The following HSF1 variants were observed in gnomAD, a reference collection of about 807,000 sequenced individuals.
HSF1 encodes heat shock transcription factor 1.
A neutral mutation model predicts 51.7 loss-of-function variants in HSF1; 32 were observed. That is an observed-to-expected ratio of 0.62 (90% CI 0.47 to 0.83). The LOEUF (loss-of-function observed/expected upper bound fraction) is 0.83, where lower values mean the gene tolerates loss of function less well. HSF1 is among the 40% of genes least tolerant of loss of function. HSF1 has a pLI of 0.00. For missense variants in HSF1, 727 were observed against 717.0 expected (o/e 1.01, Z -0.16); for synonymous variants, 396 against 309.7 (o/e 1.28, Z -2.92).
intron 1 of HSF1, among the ~76,000 whole-genome samples, chr8:144,305,690 C>G (rs1816166433): frequency 6.7e-6 from 1 of 150,204 alleles, no homozygotes; most frequent in Non-Finnish European, 1.5e-5. Context: ...CCTTCTTCTC[C>G]TAGTCAGGTC....
chr8:144,298,628 C>A (rs1554841745), intron 1 of HSF1, among the ~76,000 whole-genome samples: 3 of 151,406 alleles, frequency 2.0e-5, no homozygotes, highest in Admixed American at 6.6e-5. Flanking sequence ...AAAGAAAAAA[C>A]CGGCGAGGAC....
At chr8:144,312,563 C>A in intron 9 of HSF1, 1 of 1,329,790 alleles carries the variant, frequency 7.5e-7, no homozygotes, top group Non-Finnish European at 1.0e-6. Context: ...AGATGGTGAG[C>A]AGGGCCGGCC....
At chr8:144,312,600 TG>T in intron 9 of HSF1, 1 of 1,521,904 alleles carries the variant, frequency 6.6e-7, no homozygotes, top group Non-Finnish European at 8.8e-7. Flanking sequence ...CTGCCTGCAA[TG>T]GGGGCTCTTG....
chr8:144,305,327 G>A (rs923493746), intron 1 of HSF1, among the ~76,000 whole-genome samples: 1 of 150,604 alleles, frequency 6.6e-6, no homozygotes, highest in African/African-American at 2.4e-5. Context: ...TTGAGACAGA[G>A]TCTCTTTCTG....
intron 9 of HSF1, chr8:144,312,667 C>T (rs1239820712): frequency 6.5e-6 from 10 of 1,535,420 alleles, no homozygotes; most frequent in Non-Finnish European, 8.7e-6. Context: ...TCGCCCGCCT[C>T]TTCCCCTGCC....
rs1051549605 is a variant in HSF1 at position 144,297,718 on chromosome 8, C to T, written c.117+5844C>T. Among the ~76,000 whole-genome samples, 7 of 152,228 alleles carry T rather than the reference C, an allele frequency of 4.6e-5. No homozygotes were observed. Among genetic ancestry groups the T allele is most frequent in the African/African-American group, 1.2e-4 (5 of 41,456 alleles). ...TCCCGGGACCCGGAGAGGGAACAGC[C>T]GGCCAGCCGAGCCCAGGAGCCCAGA... is the stretch of plus-strand genomic sequence containing the variant. On this transcript the variant is annotated intron_variant, in intron 1 of 12. Transcript: ENST00000528838. The surrounding 1 kb of genome is among the most constrained non-coding windows in gnomAD (Gnocchi z 4.6).
intron 4 of HSF1, 59 bp downstream of exon 4, chr8:144,309,955 C>A (rs990759334): frequency 1.9e-6 from 3 of 1,574,728 alleles, no homozygotes; most frequent in Admixed American, 1.8e-5. Context: ...CAAGAGGCCC[C>A]GGGTGCTGTG....
intron 1 of HSF1, among the ~76,000 whole-genome samples, chr8:144,305,353 G>A (rs567368623): frequency 2.8e-4 from 43 of 151,984 alleles, no homozygotes; most frequent in Middle Eastern, 3.4e-3. Context: ...AGACTGGAGT[G>A]CAGTGGTGCA....
At chr8:144,312,626 A>G (rs1816759196) in intron 9 of HSF1, 3 of 1,535,150 alleles carry the variant, frequency 2.0e-6, no homozygotes, top group Non-Finnish European at 2.6e-6. Flanking sequence ...TGTATCTTGC[A>G]GTTTGGCTCG....
chr8:144,299,435 TAAAAAA>T (rs11309028), intron 1 of HSF1, among the ~76,000 whole-genome samples: 3 of 132,276 alleles, frequency 2.3e-5, no homozygotes, highest in Non-Finnish European at 4.8e-5. Context: ...AGACTCCTTC[TAAAAAA>T]AAAAAAAAAA....
At chr8:144,305,911 T>C (rs1816194082) in intron 1 of HSF1, among the ~76,000 whole-genome samples, 1 of 151,804 alleles carries the variant, frequency 6.6e-6, no homozygotes, top group Non-Finnish European at 1.5e-5. Flanking sequence ...TTTGTATTTT[T>C]AGTAGAGACG....
rs782148068 is a variant in HSF1, at chr8:144,313,833, CCCT to C, written c.1249-7_1249-5del. 6.3e-7 allele frequency: 1 copy of C among 1,593,882 alleles called. No individual in the cohort carries two copies. The highest frequency in any genetic ancestry group is 2.3e-5 in the East Asian group (1 of 44,384). On this transcript the variant is annotated splice_polypyrimidine_tract_variant and intron_variant, in intron 10 of 12. Transcript: ENST00000528838. ...CCCCGGGTGCTGTTCTGACTTCCCTCCCTCCTCCGCAGCTGTTCAGCCCCTCGG... is the reference window on the plus strand; with the variant it reads ...CCCCGGGTGCTGTTCTGACTTCCCTCCCTCCGCAGCTGTTCAGCCCCTCGG...
chr8:144,313,194 C>A, intron 9 of HSF1: 2 of 413,410 alleles, frequency 4.8e-6, no homozygotes, highest in South Asian at 6.0e-5. Flanking sequence ...GAAACCTCAC[C>A]AACCCTGAAC....
chr8:144,309,311 G>A (rs1194861227), intron 2 of HSF1, 144 bp from the exon 3 acceptor site: 12 of 1,173,972 alleles, frequency 1.0e-5, no homozygotes, highest in East Asian at 4.8e-5. Flanking sequence ...AAGGCCACTC[G>A]GCCACCCAGG....
Position 144,311,854 on chromosome 8 carries a change from C to G in HSF1, c.860+18C>G. On this transcript the variant is annotated intron_variant, in intron 8 of 12. Coordinates refer to ENST00000528838, the MANE Select transcript of HSF1 (RefSeq NM_005526.4). ...GACGAGAGGTGGGGGCCGCATCACC[C>G]CAGCCATCCTGTCCCCCAATGAGGC... The G allele has an allele frequency of 1.3e-6, 2 of 1,593,528 alleles. No individual in the cohort carries two copies. Among genetic ancestry groups the G allele is most frequent in the Non-Finnish European group, 1.7e-6 (2 of 1,170,726 alleles).
intron 10 of HSF1, 67 bp downstream of exon 10, chr8:144,313,683 C>CCGCCTCTCCGCA (rs1816918268): frequency 1.3e-5 from 1 of 75,578 alleles, no homozygotes; most frequent in African/African-American, 1.5e-4. Flanking sequence ...GCCTCCCCGC[C>CCGCCTCTCCGCA]CCGCCTCCCC....
intron 9 of HSF1, 52 bp from the exon 10 acceptor site, chr8:144,313,459 T>C: frequency 2.5e-6 from 3 of 1,196,424 alleles, no homozygotes; most frequent in South Asian, 1.2e-5. Flanking sequence ...AGGAGGGCAT[T>C]GGGGTGTGGG....
rs544856289 is a variant in HSF1, at chr8:144,295,667, C to T, written c.117+3793C>T. 4.0e-5 allele frequency among the ~76,000 whole-genome samples: 6 copies of T among 151,810 alleles called. No individual in the cohort carries two copies. In the East Asian group the frequency reaches 1.2e-3, roughly 29 times the overall value. ...CTCCCAGGCTCAAGTGATCCAGTCACCTCAGCTGAGTCACTGGGACTACAG... is the reference window on the plus strand; with the variant it reads ...CTCCCAGGCTCAAGTGATCCAGTCATCTCAGCTGAGTCACTGGGACTACAG... On this transcript the variant is annotated intron_variant, in intron 1 of 12. Coordinates refer to ENST00000528838, the MANE Select transcript of HSF1 (RefSeq NM_005526.4).
chr8:144,311,624 C>T, intron 7 of HSF1, 23 bp downstream of exon 7: 1 of 1,612,830 alleles, frequency 6.2e-7, no homozygotes, highest in South Asian at 1.1e-5. Flanking sequence ...GACAGGGCAC[C>T]CGCCCAGGCA....
Sources: gnomAD v4.1 joint callset for allele counts (sites outside exome capture counted in the v4.1 genomes callset) on GRCh38, gnomAD v4.1.1 for gene constraint, Gnocchi (gnomAD v3.1) non-coding constraint, MANE v1.5 for transcripts, NCBI Gene and HGNC (gene_info 2026-07-23, HGNC 2026-07-21) for gene names.